Variants in KLF13 observed in about 807,000 individuals in gnomAD.
KLF13 encodes the protein KLF transcription factor 13.
A neutral mutation model predicts 16.7 loss-of-function variants in KLF13; 8 were observed. The ratio of observed to expected loss-of-function variants is 0.48; its 90% CI spans 0.28 to 0.87. KLF13 has a LOEUF of 0.87. Among genes scored for constraint, KLF13 ranks in the 40% least tolerant of loss-of-function variants. The probability of loss-of-function intolerance (pLI) is 0.10; values close to 1 mark genes in which losing one functional copy is unlikely to be tolerated. For missense variants in KLF13, 447 were observed against 452.2 expected (o/e 0.99, Z 0.10); for synonymous variants, 245 against 208.4 (o/e 1.18, Z -1.51).
intron 2 of KLF13, among the ~76,000 whole-genome samples, chr15:31,401,290 G>A (rs1208234558): frequency 3.3e-5 from 5 of 152,220 alleles, no homozygotes; most frequent in African/African-American, 9.6e-5. Context: ...GTGAGCCACT[G>A]CACCCGGCCG....
rs374116407 is a variant in KLF13, at chr15:31,423,165, G to A, written n.118-12205G>A. ...TATACGTATATATACGTATATATATGTATATATATACATATATACGTATAT... is the reference window on the plus strand; with the variant it reads ...TATACGTATATATACGTATATATATATATATATATACATATATACGTATAT... On this transcript the variant is annotated intron_variant and non_coding_transcript_variant, in intron 1 of 1. Transcript: ENST00000558225. Among the ~76,000 whole-genome samples the A allele has an allele frequency of 7.7e-5, 8 of 104,418 alleles. 1 individual carries two copies. Among genetic ancestry groups the A allele is most frequent in the African/African-American group, 4.3e-4 (7 of 16,246 alleles). The allele number at this position is 104,418 out of a possible 152,430, so 68.5% of individuals were successfully genotyped here.
exon 1 of KLF13, chr15:31,393,002 C>A (rs1191079893): frequency 1.3e-5 from 2 of 152,614 alleles, no homozygotes; most frequent in Non-Finnish European, 2.9e-5. Context: ...CTGTGCAGCA[C>A]CGCTCGCTCC....
At chr15:31,386,682 A>G (rs2039800036) in intron 1 of KLF13, among the ~76,000 whole-genome samples, 1 of 152,242 alleles carries the variant, frequency 6.6e-6, no homozygotes, top group African/African-American at 2.4e-5. Flanking sequence ...CTATTTGAGG[A>G]AGATCCCATC....
chr15:31,428,332 T>C lies in KLF13; in HGVS notation n.118-7038T>C, dbSNP rs114084603. ...TGTGTAGGGATAAAAGTACAAAATATTTTGTAATGTTAAGAAACTTCAATA... is the reference window on the plus strand; with the variant it reads ...TGTGTAGGGATAAAAGTACAAAATACTTTGTAATGTTAAGAAACTTCAATA... On this transcript the variant is annotated intron_variant and non_coding_transcript_variant, in intron 1 of 1. Coordinates refer to the KLF13 transcript ENST00000558225. 4.7e-3 allele frequency among the ~76,000 whole-genome samples: 713 copies of C among 152,236 alleles called. 7 individuals are homozygous for C. The highest frequency in any genetic ancestry group is 0.017 in the African/African-American group (689 of 41,522).
At chr15:31,334,914 G>A (rs1229649985) in intron 1 of KLF13, among the ~76,000 whole-genome samples, 1 of 150,976 alleles carries the variant, frequency 6.6e-6, no homozygotes. Context: ...AGTTCAGAAG[G>A]CTTTGGACAC....
At chr15:31,363,532 G>T (rs924880212) in intron 1 of KLF13, among the ~76,000 whole-genome samples, 2 of 152,206 alleles carry the variant, frequency 1.3e-5, no homozygotes, top group Admixed American at 1.3e-4. Context: ...TGTCACCCAG[G>T]CTGGAGTTCA....
intron 1 of KLF13, among the ~76,000 whole-genome samples, chr15:31,428,821 A>AG (rs1308139476): frequency 1.5e-4 from 2 of 13,510 alleles, no homozygotes; most frequent in Non-Finnish European, 2.9e-4. Flanking sequence ...AAAAAAAAAA[A>AG]AAAAGAAAAA....
At chr15:31,390,294 T>G (rs1358332833), upstream of KLF13, among the ~76,000 whole-genome samples, 1 of 152,218 alleles carries the variant, frequency 6.6e-6, no homozygotes, top group Non-Finnish European at 1.5e-5. Context: ...TTTGCTGGAA[T>G]ACATCCTCAA....
chr15:31,387,108 A>T (rs1180625795), intron 1 of KLF13, among the ~76,000 whole-genome samples: 1 of 152,246 alleles, frequency 6.6e-6, no homozygotes, highest in Non-Finnish European at 1.5e-5. Context: ...AATATTCCAT[A>T]AACTTAGTTG....
chr15:31,410,122 G>GA (rs2040174297), intron 1 of KLF13, among the ~76,000 whole-genome samples: 1 of 152,038 alleles, frequency 6.6e-6, no homozygotes, highest in South Asian at 2.1e-4. Context: ...AAATAATTGA[G>GA]AATATAACAA....
In KLF13 at chr15:31,327,461, C is replaced by G. The variant is rs1387178167; in HGVS notation, c.249C>G (p.Arg83=). Residue 83 remains arginine, a synonymous_variant, in exon 1 of 2, where the codon CGC becomes CGG. Transcript: ENST00000307145. The part of the protein sequence containing the change: ...QQAPAPAPAE[R]REGAAARKAR... The stretch of plus-strand genomic sequence containing the variant: ...CGCCGGCGCCCGCCCCGGCGGAGCG[C>G]AGGGAGGGCGCCGCGGCCCGGAAGG... The G allele has an allele frequency of 1.6e-6, 2 of 1,216,108 alleles. No homozygotes were observed. Among genetic ancestry groups the G allele is most frequent in the Non-Finnish European group, 1.0e-6 (1 of 978,172 alleles). 75.3% of individuals were successfully genotyped at this position (1,216,108 alleles called of 1,614,324 possible).
intron 1 of KLF13, among the ~76,000 whole-genome samples, chr15:31,361,405 TC>T (rs2039382194): frequency 6.6e-6 from 1 of 152,154 alleles, no homozygotes; most frequent in Non-Finnish European, 1.5e-5. Flanking sequence ...TTTCCTGTCT[TC>T]CGGGTTGGTA....
At chr15:31,388,890 G>A (rs1001978999), upstream of KLF13, among the ~76,000 whole-genome samples, 11 of 139,886 alleles carry the variant, frequency 7.9e-5, no homozygotes, top group African/African-American at 2.9e-4. Flanking sequence ...ACTTTTTATC[G>A]CTTCTGTTTT....
chr15:31,424,875 T>TCTCACACACACACACACA (rs2040382622), intron 1 of KLF13, among the ~76,000 whole-genome samples: 1 of 146,198 alleles, frequency 6.8e-6, no homozygotes, highest in African/African-American at 2.6e-5. Flanking sequence ...TCTAGAGATT[T>TCTCACACACACACACACA]CACACACACA....
intron 1 of KLF13, among the ~76,000 whole-genome samples, chr15:31,338,770 G>A (rs1407894682): frequency 1.3e-5 from 2 of 152,114 alleles, no homozygotes; most frequent in Non-Finnish European, 2.9e-5. Context: ...CGGGTTAATG[G>A]ATGGGAACTG....
rs73368626 is a variant in KLF13, at chr15:31,426,323, G to C, written n.118-9047G>C. ...AAAAATTAACTTAAAAAAGATAATA[G>C]ACCTGAATATAAGACCTGAAACTTT... is the stretch of plus-strand genomic sequence containing the variant. On this transcript the variant is annotated intron_variant and non_coding_transcript_variant, in intron 1 of 1. Coordinates refer to the KLF13 transcript ENST00000558225. Among the ~76,000 whole-genome samples, 909 of 152,188 alleles carry C rather than the reference G, an allele frequency of 6.0e-3. 14 individuals carry two copies. Among genetic ancestry groups the C allele is most frequent in the African/African-American group, 0.021 (852 of 41,516 alleles).
chr15:31,333,470 G>T (rs2038869853), intron 1 of KLF13, among the ~76,000 whole-genome samples: 2 of 152,140 alleles, frequency 1.3e-5, no homozygotes, highest in African/African-American at 2.4e-5. Flanking sequence ...CTTCTTAAAG[G>T]TTGAGGGAGT....
intron 1 of KLF13, among the ~76,000 whole-genome samples, chr15:31,334,934 C>G (rs1360748552): frequency 2.0e-5 from 3 of 152,122 alleles, no homozygotes; most frequent in Non-Finnish European, 4.4e-5. Context: ...CTCTTCTGGG[C>G]CAAAATAACA....
chr15:31,419,331 A>G (rs1016198810), intron 1 of KLF13, among the ~76,000 whole-genome samples: 1 of 152,244 alleles, frequency 6.6e-6, no homozygotes, highest in African/African-American at 2.4e-5. Context: ...AAAGAGATCA[A>G]TTAATGACCT....
Sources: allele counts gnomAD v4.1 joint callset (sites outside exome capture counted in the v4.1 genomes callset), GRCh38; gene constraint gnomAD v4.1.1; transcripts MANE v1.5; gene names NCBI Gene and HGNC (gene_info 2026-07-23, HGNC 2026-07-21).